Variants in EVL observed in about 807,000 individuals in gnomAD.
EVL encodes ena/VASP-like protein.
A neutral mutation model predicts 59.6 loss-of-function variants in EVL; 21 were observed. The observed-to-expected ratio is 0.35, with a 90% CI of 0.25 to 0.51. The LOEUF is 0.51. Among genes scored for constraint, EVL ranks in the 20% least tolerant of loss-of-function variants. The pLI is 0.97. For missense variants in EVL, 462 were observed against 546.6 expected, an observed-to-expected ratio of 0.85 and a Z score of 1.54; for synonymous variants, 198 against 203.5, an observed-to-expected ratio of 0.97 and a Z score of 0.23.
At chr14:99,985,295 T>TTTA in intron 1 of EVL, among the ~76,000 whole-genome samples, 1 of 152,022 alleles carries the variant, frequency 6.6e-6, no homozygotes, top group South Asian at 2.1e-4. Context: ...ATAATTTTTA[T>TTTA]TTATTATTAT....
intron 2 of EVL, among the ~76,000 whole-genome samples, chr14:100,095,662 G>T (rs189039619): frequency 1.3e-5 from 2 of 152,312 alleles, no homozygotes; most frequent in East Asian, 3.9e-4. Flanking sequence ...GTGTGTAGTT[G>T]TTGGCCAAAA....
At chr14:100,110,435 G>C (rs1228246581) in intron 3 of EVL, among the ~76,000 whole-genome samples, 1 of 152,108 alleles carries the variant, frequency 6.6e-6, no homozygotes, top group South Asian at 2.1e-4. Flanking sequence ...CAGCCATCAC[G>C]TTGGGACACA....
At chr14:100,117,517 C>T (rs574857523) in intron 3 of EVL, among the ~76,000 whole-genome samples, 1 of 152,320 alleles carries the variant, frequency 6.6e-6, no homozygotes, top group South Asian at 2.1e-4. Flanking sequence ...TTAGAGTCCT[C>T]TCTTTTGGGG....
chr14:100,003,444 T>G (rs1325302641), intron 1 of EVL, among the ~76,000 whole-genome samples: 2 of 152,158 alleles, frequency 1.3e-5, no homozygotes, highest in African/African-American at 2.4e-5. Flanking sequence ...GAGACAGAGG[T>G]TTGCTCTTGT....
intron 2 of EVL, among the ~76,000 whole-genome samples, chr14:100,089,030 A>G (rs953575776): frequency 2.6e-5 from 4 of 152,264 alleles, no homozygotes; most frequent in Non-Finnish European, 4.4e-5. Flanking sequence ...CTTTAAGGCA[A>G]TAAGTATTCC....
At chr14:100,133,007 C>A (rs375513957) in intron 8 of EVL, among the ~76,000 whole-genome samples, 1 of 151,976 alleles carries the variant, frequency 6.6e-6, no homozygotes, top group Admixed American at 6.5e-5. Context: ...CTGCTCCACC[C>A]TTGGAGCTGC....
chr14:100,029,678 T>A (rs1566975381), intron 1 of EVL, among the ~76,000 whole-genome samples: 1 of 152,088 alleles, frequency 6.6e-6, no homozygotes, highest in Non-Finnish European at 1.5e-5. Flanking sequence ...GGAGTGAGCC[T>A]TGGAGGGTAT....
At position 100,036,729 on chromosome 14, in the gene EVL, C is replaced by G. The variant is rs138306997; in HGVS notation, c.6-47958C>G. Among the ~76,000 whole-genome samples, 200 of 152,288 alleles carry G rather than the reference C, an allele frequency of 1.3e-3. 1 individual carries two copies. The highest frequency in any genetic ancestry group is 4.6e-3 in the African/African-American group (190 of 41,546). On this transcript the variant is annotated intron_variant, in intron 1 of 13. Transcript: ENST00000402714. Reference sequence around the variant, plus strand: ...CCCAGTCATCTTCAAAATTGTCAGACCACAGCTGCAGTGTTATCTTCTGTC... The same window carrying G: ...CCCAGTCATCTTCAAAATTGTCAGAGCACAGCTGCAGTGTTATCTTCTGTC...
At chr14:100,138,180 G>A (rs984837400) in intron 11 of EVL, 6 of 311,032 alleles carry the variant, frequency 1.9e-5, no homozygotes, top group African/African-American at 6.4e-5. Context: ...GTGGTGGTGG[G>A]GACAGCTGTG....
chr14:99,993,685 CTTTTTTT>C (rs532512303), intron 1 of EVL, among the ~76,000 whole-genome samples: 1,605 of 78,270 alleles, frequency 0.021, 16 homozygotes, highest in African/African-American at 0.048. Context: ...TTCTTTCTTT[CTTTTTTT>C]TTTTTTTTTT....
chr14:100,079,214 G>A (rs1286783310), intron 1 of EVL, among the ~76,000 whole-genome samples: 1 of 152,248 alleles, frequency 6.6e-6, no homozygotes, highest in Non-Finnish European at 1.5e-5. Flanking sequence ...GCCCATCCCA[G>A]GCTGTTGTGA....
At chr14:100,103,967 C>T (rs887066605) in intron 3 of EVL, among the ~76,000 whole-genome samples, 13 of 152,084 alleles carry the variant, frequency 8.5e-5, no homozygotes, top group African/African-American at 2.2e-4. Context: ...TGCGTGTGAG[C>T]GTGTGTGTGT....
At chr14:100,070,051 ACCT>A (rs1249899997) in intron 1 of EVL, among the ~76,000 whole-genome samples, 1 of 146,908 alleles carries the variant, frequency 6.8e-6, no homozygotes, top group Non-Finnish European at 1.5e-5. Context: ...TCATAGTAAG[ACCT>A]CCTCTCTTAA....
intron 1 of EVL, among the ~76,000 whole-genome samples, chr14:100,040,347 C>T (rs2061450062): frequency 6.6e-6 from 1 of 152,186 alleles, no homozygotes; most frequent in South Asian, 2.1e-4. Flanking sequence ...GTATCCTCTC[C>T]TCAGCTCAGA....
chr14:100,030,865 T>C (rs943986186), intron 1 of EVL, among the ~76,000 whole-genome samples: 11 of 152,334 alleles, frequency 7.2e-5, no homozygotes, highest in Middle Eastern at 3.4e-3. Flanking sequence ...CACAGCCCAT[T>C]GCATTATTCA....
intron 1 of EVL, among the ~76,000 whole-genome samples, chr14:100,029,965 C>CTG (rs1412420710): frequency 2.0e-5 from 3 of 152,122 alleles, no homozygotes; most frequent in African/African-American, 7.2e-5. Context: ...TTTTGCCATG[C>CTG]TGCTAGCACC....
intron 1 of EVL, among the ~76,000 whole-genome samples, chr14:100,055,634 AC>A (rs1468163871): frequency 1.3e-5 from 2 of 152,244 alleles, no homozygotes; most frequent in African/African-American, 4.8e-5. Context: ...TCATTGTTTT[AC>A]CCTAGCTGAG....
At chr14:100,126,643 G>A in intron 4 of EVL, 64 bp from the exon 5 acceptor site, 1 of 1,580,344 alleles carries the variant, frequency 6.3e-7, no homozygotes, top group Non-Finnish European at 8.7e-7. Flanking sequence ...GTACAGCACA[G>A]GCACAGAGTG....
At chr14:100,091,531 A>T (rs2062564402) in intron 2 of EVL, among the ~76,000 whole-genome samples, 1 of 152,160 alleles carries the variant, frequency 6.6e-6, no homozygotes, top group African/African-American at 2.4e-5. Context: ...GACCTGGTGG[A>T]GGTTCCTGGA....
Sources: gnomAD v4.1 joint callset for allele counts (sites outside exome capture counted in the v4.1 genomes callset) on GRCh38, gnomAD v4.1.1 for gene constraint, MANE v1.5 for transcripts, NCBI Gene and HGNC (gene_info 2026-07-23, HGNC 2026-07-21) for gene names.